SLC24A4: variants seen among roughly 807,000 people sequenced by gnomAD.
The protein encoded by SLC24A4 is solute carrier family 24 member 4.
In SLC24A4, 53 loss-of-function variants were observed where a neutral mutation model predicts 79.0. The ratio of observed to expected loss-of-function variants is 0.67; its 90% CI spans 0.54 to 0.84. The LOEUF (loss-of-function observed/expected upper bound fraction) is 0.84, where lower values mean the gene tolerates loss of function less well. Among genes scored for constraint, SLC24A4 ranks in the 40% least tolerant of loss-of-function variants. The probability of loss-of-function intolerance (pLI) is 0.00; values close to 1 mark genes in which losing one functional copy is unlikely to be tolerated. For synonymous variants in SLC24A4, 323 were observed against 323.8 expected (o/e 1.00, Z 0.03); for missense variants, 731 against 822.0 (o/e 0.89, Z 1.35).
chr14:92,492,512 T>G (rs1895739974), intron 16 of SLC24A4, among the ~76,000 whole-genome samples: 1 of 152,158 alleles, frequency 6.6e-6, no homozygotes, highest in South Asian at 2.1e-4. Flanking sequence ...TCCTCTCTAG[T>G]GCCAGTAGGA....
At chr14:92,415,808 G>C (rs370020141) in intron 2 of SLC24A4, among the ~76,000 whole-genome samples, 5 of 152,060 alleles carry the variant, frequency 3.3e-5, no homozygotes, top group East Asian at 1.9e-4. Context: ...GGGAACAGGT[G>C]GTATTTGGTT....
intron 2 of SLC24A4, among the ~76,000 whole-genome samples, chr14:92,416,010 G>A (rs1890962312): frequency 6.6e-6 from 1 of 152,128 alleles, no homozygotes; most frequent in African/African-American, 2.4e-5. Context: ...AACATACGAT[G>A]TTTGGTTTTC....
intron 12 of SLC24A4, 64 bp downstream of exon 12, chr14:92,456,672 A>T: frequency 6.5e-7 from 1 of 1,529,900 alleles, no homozygotes. Context: ...GACCAAGCCC[A>T]GGTCTTCAGG....
intron 6 of SLC24A4, 95 bp downstream of exon 6, chr14:92,442,911 C>A: frequency 2.0e-6 from 2 of 1,018,332 alleles, no homozygotes; most frequent in East Asian, 2.4e-5. Context: ...GTGGGGACGC[C>A]CACAGGACAG....
chr14:92,366,223 CA>C (rs983733581), intron 2 of SLC24A4, among the ~76,000 whole-genome samples: 1 of 152,204 alleles, frequency 6.6e-6, no homozygotes. Context: ...GCACCCGAAC[CA>C]AAGGCCAAGC....
At chr14:92,359,795 C>G (rs966759920) in intron 2 of SLC24A4, among the ~76,000 whole-genome samples, 9 of 152,210 alleles carry the variant, frequency 5.9e-5, no homozygotes, top group African/African-American at 2.2e-4. Context: ...CCAGTAATAC[C>G]GTCCTGACCT....
intron 2 of SLC24A4, among the ~76,000 whole-genome samples, chr14:92,358,920 AAG>A: frequency 6.6e-6 from 1 of 151,872 alleles, no homozygotes; most frequent in Non-Finnish European, 1.5e-5. Context: ...TCCTGACCTC[AAG>A]TGATCCACTC....
chr14:92,324,017 T>G (rs1884961007), intron 1 of SLC24A4, 57 bp downstream of exon 1: 1 of 1,568,896 alleles, frequency 6.4e-7, no homozygotes, highest in Non-Finnish European at 8.6e-7. Context: ...GGCTGGGGAG[T>G]CTCGGGGCGG....
chr14:92,491,657 C>T lies in SLC24A4; in HGVS notation c.1538-8C>T. 2 of 1,593,196 alleles carry T rather than the reference C, an allele frequency of 1.3e-6. No homozygotes were observed. The highest frequency in any genetic ancestry group is 1.1e-5 in the South Asian group (1 of 90,554). ...CTTATAAAATAAATGTGTTGTTGTC[C>T]CCTGCAGGCCTTGGGGACATGGCAG... On this transcript the variant is annotated splice_polypyrimidine_tract_variant and splice_region_variant and intron_variant, in intron 14 of 16. Coordinates refer to ENST00000532405, the MANE Select transcript of SLC24A4 (RefSeq NM_153646.4).
chr14:92,440,488 A>G (rs944976609), intron 4 of SLC24A4, among the ~76,000 whole-genome samples: 4 of 152,030 alleles, frequency 2.6e-5, no homozygotes, highest in Non-Finnish European at 5.9e-5. Context: ...CAGTCAGCTG[A>G]TCCTTACTGA....
chr14:92,338,372 C>T (rs1182397765), intron 2 of SLC24A4, among the ~76,000 whole-genome samples: 1 of 152,198 alleles, frequency 6.6e-6, no homozygotes, highest in African/African-American at 2.4e-5. Context: ...GTAATAGATG[C>T]TTAACCCTTT....
At chr14:92,487,094 A>G (rs1895409161) in intron 14 of SLC24A4, among the ~76,000 whole-genome samples, 1 of 152,220 alleles carries the variant, frequency 6.6e-6, no homozygotes, top group South Asian at 2.1e-4. Context: ...TATACAGCAA[A>G]TGAGCTAATA....
chr14:92,393,584 C>T (rs1010748620), intron 2 of SLC24A4, among the ~76,000 whole-genome samples: 1 of 140,760 alleles, frequency 7.1e-6, no homozygotes, highest in Non-Finnish European at 1.5e-5. Context: ...CTCGCTCTGT[C>T]GCCCAGGATG....
Position 92,437,487 on chromosome 14 carries a change from C to A in SLC24A4, c.319-1848C>A, listed in dbSNP as rs538578422. Among the ~76,000 whole-genome samples the A allele has an allele frequency of 2.0e-5, 3 of 152,318 alleles. No homozygotes were observed. In the East Asian group the frequency reaches 5.8e-4, roughly 29 times the overall value. On this transcript the variant is annotated intron_variant, in intron 3 of 16. Transcript: ENST00000532405. ...CCAGAGAGAGGCTCCAGATAGAAAA[C>A]CATTTTAAAACTGCTGATCTGTTCT...
chr14:92,428,931 T>C (rs1370251932), intron 2 of SLC24A4, among the ~76,000 whole-genome samples: 2 of 152,210 alleles, frequency 1.3e-5, no homozygotes, highest in African/African-American at 4.8e-5. Context: ...CTAAGAAGGC[T>C]ACATATTACA....
chr14:92,461,419 C>T (rs190552190), intron 12 of SLC24A4, among the ~76,000 whole-genome samples: 32 of 152,322 alleles, frequency 2.1e-4, no homozygotes, highest in African/African-American at 7.5e-4. Flanking sequence ...GCTTAAACAA[C>T]GGAAATGTAT....
At chr14:92,363,534 G>T (rs1221668823) in intron 2 of SLC24A4, among the ~76,000 whole-genome samples, 1 of 152,226 alleles carries the variant, frequency 6.6e-6, no homozygotes, top group African/African-American at 2.4e-5. Context: ...CTTCTGAAAG[G>T]TCTTGCTTTC....
intron 7 of SLC24A4, among the ~76,000 whole-genome samples, chr14:92,443,807 A>G (rs1017001195): frequency 4.6e-5 from 7 of 152,216 alleles, no homozygotes; most frequent in Admixed American, 2.6e-4. Flanking sequence ...GGCCTTAGCC[A>G]GGGTAGAATC....
chr14:92,426,669 G>C (rs1255239218), intron 2 of SLC24A4, among the ~76,000 whole-genome samples: 2 of 152,064 alleles, frequency 1.3e-5, no homozygotes, highest in African/African-American at 4.8e-5. Context: ...GGGACACAAG[G>C]GTGATGGTAG....
Sources: gnomAD v4.1 joint callset for allele counts (sites outside exome capture counted in the v4.1 genomes callset) on GRCh38, gnomAD v4.1.1 for gene constraint, MANE v1.5 for transcripts, NCBI Gene and HGNC (gene_info 2026-07-23, HGNC 2026-07-21) for gene names.